The following MYO1E variants were observed in gnomAD, a reference collection of about 807,000 sequenced individuals.
MYO1E encodes the protein myosin IE.
MYO1E carries 68 observed loss-of-function variants against 151.1 expected under a neutral mutation model. The observed-to-expected ratio is 0.45, with a 90% CI of 0.37 to 0.55. MYO1E has a LOEUF of 0.55. Among genes scored for constraint, MYO1E ranks in the 20% least tolerant of loss-of-function variants. The probability of loss-of-function intolerance (pLI) is 0.00; values close to 1 mark genes in which losing one functional copy is unlikely to be tolerated. For missense variants in MYO1E, 1,363 were observed against 1,389.3 expected (o/e 0.98, Z 0.30); for synonymous variants, 601 against 501.7 (o/e 1.20, Z -2.64).
intron 1 of MYO1E, among the ~76,000 whole-genome samples, chr15:59,288,146 T>C (rs1350205736): frequency 6.6e-6 from 1 of 152,150 alleles, no homozygotes; most frequent in African/African-American, 2.4e-5. Context: ...ATTGGGCAAA[T>C]AATTCTATTA....
intron 26 of MYO1E, among the ~76,000 whole-genome samples, chr15:59,138,630 GAC>G (rs2079388605): frequency 6.6e-6 from 1 of 152,182 alleles, no homozygotes; most frequent in Admixed American, 6.5e-5. Context: ...AAATGTGGGA[GAC>G]ACATATCCAT....
intron 17 of MYO1E, among the ~76,000 whole-genome samples, chr15:59,188,611 G>A (rs1053594772): frequency 3.9e-5 from 6 of 152,128 alleles, no homozygotes; most frequent in Admixed American, 2.0e-4. Context: ...CAGGAAAATC[G>A]CTTGAACCAG....
chr15:59,171,929 G>A lies in MYO1E; in HGVS notation c.2448C>T (p.Ile816=), dbSNP rs750771488. The change falls in exon 22 of 28, where the codon ATC becomes ATT. Residue 816 remains isoleucine (I), a synonymous_variant. Transcript: ENST00000288235. ...GLVKEVLKRK[I]EIERILSVSL... ...ACACAGACAAGATCCGTTCTATCTC[G>A]ATTTTCCGCTTCAGGACTTCTTTCA... The A allele has an allele frequency of 3.1e-6, 5 of 1,614,158 alleles. No individual in the cohort carries two copies. Among genetic ancestry groups the A allele is most frequent in the Non-Finnish European group, 3.4e-6 (4 of 1,180,016 alleles).
chr15:59,212,287 G>A (rs534555279), intron 12 of MYO1E, among the ~76,000 whole-genome samples: 1 of 151,870 alleles, frequency 6.6e-6, no homozygotes, highest in Admixed American at 6.6e-5. Context: ...GGGAGCAATG[G>A]GTTTCATGTG....
intron 22 of MYO1E, among the ~76,000 whole-genome samples, chr15:59,170,594 A>G (rs1350008954): frequency 1.3e-5 from 2 of 152,144 alleles, no homozygotes; most frequent in African/African-American, 4.8e-5. Context: ...CTTTAAAAAA[A>G]AAACAAAAAA....
At chr15:59,244,408 A>G (rs902079081) in intron 4 of MYO1E, among the ~76,000 whole-genome samples, 1 of 152,242 alleles carries the variant, frequency 6.6e-6, no homozygotes, top group Non-Finnish European at 1.5e-5. Context: ...AATGTTTTCC[A>G]TGTATATTTC....
At position 59,150,931 on chromosome 15, in the gene MYO1E, C is replaced by T. The variant is rs545473587; in HGVS notation, c.3080+2659G>A. Among the ~76,000 whole-genome samples, 8 of 152,014 alleles carry T rather than the reference C, an allele frequency of 5.3e-5. No individual in the cohort carries two copies. In the South Asian group the frequency reaches 6.3e-4, roughly 12 times the overall value. ...CTACTGGTTTAGACCAAGCCAATCA[C>T]GTGAACCACGGTCATGAGAGCTGGT... On this transcript the variant is annotated intron_variant, in intron 26 of 27. Coordinates refer to ENST00000288235, the MANE Select transcript of MYO1E (RefSeq NM_004998.4).
intron 22 of MYO1E, among the ~76,000 whole-genome samples, chr15:59,167,011 C>G (rs1352684583): frequency 6.6e-6 from 1 of 152,182 alleles, no homozygotes; most frequent in Non-Finnish European, 1.5e-5. Context: ...GGCTCAGCAC[C>G]AGGTAGGTGC....
In MYO1E at chr15:59,208,862, G is replaced by C; in HGVS notation, c.1363-14C>G. 6.2e-7 allele frequency: 1 copy of C among 1,614,010 alleles called. No individual in the cohort carries two copies. The highest frequency in any genetic ancestry group is 8.5e-7 in the Non-Finnish European group (1 of 1,180,050). On this transcript the variant is annotated splice_polypyrimidine_tract_variant and intron_variant, in intron 13 of 27. Coordinates refer to ENST00000288235, the MANE Select transcript of MYO1E (RefSeq NM_004998.4). The stretch of plus-strand genomic sequence containing the variant: ...GCCAGGAGGGTTCTGATGGGAGCAA[G>C]AAGGCAAGGCCCTAGTCACTGACCT...
At chr15:59,346,582 C>T (rs2080795377) in intron 1 of MYO1E, among the ~76,000 whole-genome samples, 1 of 152,022 alleles carries the variant, frequency 6.6e-6, no homozygotes, top group African/African-American at 2.4e-5. Flanking sequence ...TAGGAAATAT[C>T]CCATTCAAAT....
chr15:59,371,192 G>A (rs1457187988), intron 1 of MYO1E, among the ~76,000 whole-genome samples: 1 of 152,188 alleles, frequency 6.6e-6, no homozygotes, highest in Non-Finnish European at 1.5e-5. Context: ...GGAATAAACA[G>A]CACGGGGCAA....
chr15:59,298,566 C>T (rs565039758), intron 1 of MYO1E, among the ~76,000 whole-genome samples: 29 of 152,328 alleles, frequency 1.9e-4, no homozygotes, highest in African/African-American at 4.8e-4. Context: ...GGGATGTTCA[C>T]GTCTGGTTTC....
chr15:59,244,391 G>A (rs1466258546), intron 4 of MYO1E, among the ~76,000 whole-genome samples: 1 of 152,226 alleles, frequency 6.6e-6, no homozygotes, highest in Non-Finnish European at 1.5e-5. Context: ...CTCTTTAAGA[G>A]TTAAAAAATG....
rs1453073480 is a variant in MYO1E at position 59,134,757 on chromosome 15, G to A, written c.*2623C>T. ...CAAACAGGATGGCAAGTTCCAGAAG[G>A]TGGGGGTGGCCCCTTGATCTTCTGT... On this transcript the variant is annotated 3_prime_UTR_variant, in exon 28 of 28. Transcript: ENST00000288235. The A allele has an allele frequency of 1.3e-5, 2 of 152,226 alleles. No individual in the cohort carries two copies. Among genetic ancestry groups the A allele is most frequent in the African/African-American group, 2.4e-5 (1 of 41,450 alleles). 9.4% of individuals were successfully genotyped at this position (152,226 alleles called of 1,614,324 possible).
intron 26 of MYO1E, among the ~76,000 whole-genome samples, chr15:59,147,204 ACT>A (rs1274603886): frequency 6.6e-6 from 1 of 151,900 alleles, no homozygotes; most frequent in Non-Finnish European, 1.5e-5. Flanking sequence ...TGACATGAAA[ACT>A]CTCTAAACTG....
At chr15:59,327,849 G>C (rs574587425) in intron 1 of MYO1E, among the ~76,000 whole-genome samples, 4 of 152,214 alleles carry the variant, frequency 2.6e-5, no homozygotes, top group Non-Finnish European at 4.4e-5. Context: ...CTGAGGGATG[G>C]AGTGAAGTTA....
intron 1 of MYO1E, among the ~76,000 whole-genome samples, chr15:59,308,962 G>A (rs188363472): frequency 7.9e-5 from 12 of 151,602 alleles, no homozygotes; most frequent in South Asian, 6.3e-4. Context: ...AAACCTGTTC[G>A]ATTAGCTGGG....
rs2079361948 is a variant in MYO1E, at chr15:59,134,622, A to C, written c.*2758T>G. On this transcript the variant is annotated 3_prime_UTR_variant, in exon 28 of 28. Coordinates refer to ENST00000288235, the MANE Select transcript of MYO1E (RefSeq NM_004998.4). ...CTAGGGTACACAGTCAGGCCTTCTC[A>C]TTTAGTTCCTGGTTACTTAAAACCT... 1 of 152,226 alleles carries C rather than the reference A, an allele frequency of 6.6e-6. No homozygotes were observed. Among genetic ancestry groups the C allele is most frequent in the African/African-American group, 2.4e-5 (1 of 41,438 alleles). The allele number at this position is 152,226 out of a possible 1,614,324, so 9.4% of individuals were successfully genotyped here.
rs542113449 is a variant in MYO1E, at chr15:59,224,881, C to T, written c.643-58G>A. ...GTGGACCACAAGGCACCCGAAGTCACTCCTGCATCCTGCAGCCACCATCCC... is the reference window on the plus strand; with the variant it reads ...GTGGACCACAAGGCACCCGAAGTCATTCCTGCATCCTGCAGCCACCATCCC... On this transcript the variant is annotated intron_variant, in intron 7 of 27. Coordinates refer to ENST00000288235, the MANE Select transcript of MYO1E (RefSeq NM_004998.4). 94 of 1,610,716 alleles carry T rather than the reference C, an allele frequency of 5.8e-5. 1 individual carries two copies. The African/African-American group carries it at 7.5e-4, about 13-fold the overall frequency.
Sources: allele counts gnomAD v4.1 joint callset (sites outside exome capture counted in the v4.1 genomes callset), GRCh38; gene constraint gnomAD v4.1.1; transcripts MANE v1.5; gene names NCBI Gene and HGNC (gene_info 2026-07-23, HGNC 2026-07-21).